MICU1: variants seen among roughly 807,000 people sequenced by gnomAD.
The protein encoded by MICU1 is mitochondrial calcium uptake 1, also known as calcium uptake protein 1, mitochondrial.
Under a neutral mutation model 56.8 loss-of-function variants are expected in MICU1, and 45 were observed. The ratio of observed to expected loss-of-function variants is 0.79; its 90% confidence interval spans 0.62 to 1.02. The LOEUF (loss-of-function observed/expected upper bound fraction) is 1.02. MICU1 is among the 50% of genes least tolerant of loss of function. MICU1 has a pLI of 0.00. For missense variants in MICU1, 504 were observed against 587.1 expected (o/e 0.86, Z 1.46); for synonymous variants, 186 against 195.1 (o/e 0.95, Z 0.39).
At chr10:72,478,409 T>C (rs532813607) in intron 6 of MICU1, among the ~76,000 whole-genome samples, 3 of 152,278 alleles carry the variant, frequency 2.0e-5, no homozygotes, top group Admixed American at 1.3e-4. Flanking sequence ...CTTCCCATAC[T>C]AAATGTTCTG....
chr10:72,480,052 A>G (rs1418393893), intron 6 of MICU1, among the ~76,000 whole-genome samples: 3 of 152,230 alleles, frequency 2.0e-5, no homozygotes, highest in African/African-American at 7.2e-5. Flanking sequence ...TTCTCCAGCT[A>G]CTGTGTGAAG....
At chr10:72,569,206 C>CATATATAT (rs1211580394) in intron 1 of MICU1, among the ~76,000 whole-genome samples, 12 of 68,056 alleles carry the variant, frequency 1.8e-4, no homozygotes, top group Admixed American at 4.6e-4. Context: ...CATATATATG[C>CATATATAT]ATATATATAT....
chr10:72,445,891 G>C (rs1051577779), intron 8 of MICU1, among the ~76,000 whole-genome samples: 2 of 152,118 alleles, frequency 1.3e-5, no homozygotes, highest in South Asian at 4.1e-4. Context: ...CCCAGTTTTA[G>C]GAGATAAGAA....
chr10:72,457,852 T>C (rs1202696731), intron 8 of MICU1, among the ~76,000 whole-genome samples: 1 of 152,038 alleles, frequency 6.6e-6, no homozygotes, highest in Non-Finnish European at 1.5e-5. Context: ...TTGACCAACC[T>C]TAATAGCAAA....
intron 9 of MICU1, among the ~76,000 whole-genome samples, chr10:72,413,657 C>T (rs1406990534): frequency 6.6e-6 from 1 of 152,034 alleles, no homozygotes; most frequent in Non-Finnish European, 1.5e-5. Flanking sequence ...CTGCTTGAAC[C>T]TGGGAGGCAG....
At chr10:72,549,413 A>T (rs571637278) in intron 4 of MICU1, among the ~76,000 whole-genome samples, 4 of 151,028 alleles carry the variant, frequency 2.6e-5, no homozygotes, top group Non-Finnish European at 5.9e-5. Context: ...CTGGTCCTCA[A>T]CTCCTGAGCT....
At chr10:72,482,206 A>C (rs572804955) in intron 6 of MICU1, among the ~76,000 whole-genome samples, 2 of 152,320 alleles carry the variant, frequency 1.3e-5, no homozygotes, top group South Asian at 4.1e-4. Flanking sequence ...GAATGGTTGA[A>C]CTAAAGTTCT....
intron 4 of MICU1, among the ~76,000 whole-genome samples, chr10:72,540,616 A>G (rs1367888790): frequency 6.6e-6 from 1 of 152,184 alleles, no homozygotes; most frequent in African/African-American, 2.4e-5. Flanking sequence ...TCAAGGTTAC[A>G]TGAACTATGA....
At chr10:72,405,067 C>T (rs758017930) in intron 10 of MICU1, among the ~76,000 whole-genome samples, 12 of 151,974 alleles carry the variant, frequency 7.9e-5, no homozygotes, top group Admixed American at 2.0e-4. Context: ...CCACCAAGCC[C>T]GGCTACTTTT....
chr10:72,507,917 C>G (rs1400736708), intron 6 of MICU1, among the ~76,000 whole-genome samples: 6 of 152,062 alleles, frequency 3.9e-5, no homozygotes, highest in Non-Finnish European at 7.4e-5. Context: ...TGTGCCCAGC[C>G]GTTTTGTTTT....
chr10:72,579,628 T>G (rs1840845584), intron 1 of MICU1, among the ~76,000 whole-genome samples: 3 of 152,136 alleles, frequency 2.0e-5, no homozygotes, highest in Admixed American at 1.3e-4. Flanking sequence ...AGTACATATG[T>G]GTGAATAGGC....
intron 3 of MICU1, among the ~76,000 whole-genome samples, chr10:72,558,339 T>C (rs1055541889): frequency 1.3e-5 from 2 of 152,184 alleles, no homozygotes. Flanking sequence ...GATCAGAGAC[T>C]GCATAGAAAC....
At chr10:72,617,470 G>A (rs1269329110) in intron 1 of MICU1, among the ~76,000 whole-genome samples, 2 of 151,936 alleles carry the variant, frequency 1.3e-5, no homozygotes, top group Non-Finnish European at 2.9e-5. Flanking sequence ...TAATCCTTTG[G>A]GGTAAATATT....
intron 8 of MICU1, among the ~76,000 whole-genome samples, chr10:72,447,370 G>C (rs978263225): frequency 6.6e-6 from 1 of 152,098 alleles, no homozygotes; most frequent in Non-Finnish European, 1.5e-5. Context: ...ATATAGGCTA[G>C]AGGGTTTTAA....
At chr10:72,497,191 C>G (rs1866874828) in intron 6 of MICU1, among the ~76,000 whole-genome samples, 1 of 152,012 alleles carries the variant, frequency 6.6e-6, no homozygotes, top group South Asian at 2.1e-4. Context: ...TCCTGAGTAG[C>G]TGGGATTACA....
chr10:72,594,129 G>A (rs1236318724), intron 1 of MICU1, among the ~76,000 whole-genome samples: 1 of 152,156 alleles, frequency 6.6e-6, no homozygotes, highest in Admixed American at 6.6e-5. Flanking sequence ...CAAAGCTTGA[G>A]CAATCCAAAA....
intron 3 of MICU1, among the ~76,000 whole-genome samples, chr10:72,551,923 A>G (rs2132445785): frequency 6.6e-6 from 1 of 152,170 alleles, no homozygotes; most frequent in East Asian, 1.9e-4. Context: ...GGAAGTAGCC[A>G]TTGCACCTGG....
At chr10:72,536,831 T>C (rs1839649806) in intron 4 of MICU1, among the ~76,000 whole-genome samples, 1 of 152,218 alleles carries the variant, frequency 6.6e-6, no homozygotes. Flanking sequence ...CTTGTAATTA[T>C]AATACATCTC....
At chr10:72,418,300 G>A (rs956980760) in intron 9 of MICU1, among the ~76,000 whole-genome samples, 6 of 152,104 alleles carry the variant, frequency 3.9e-5, no homozygotes, top group Non-Finnish European at 8.8e-5. Context: ...CTGATGCCTG[G>A]ACCCACCTAC....
Sources: gnomAD v4.1 joint callset for allele counts (sites outside exome capture counted in the v4.1 genomes callset) on GRCh38, gnomAD v4.1.1 for gene constraint, MANE v1.5 for transcripts, NCBI Gene and HGNC (gene_info 2026-07-23, HGNC 2026-07-21) for gene names.